TUFM: variants seen among roughly 807,000 people sequenced by gnomAD.
The protein encoded by TUFM is elongation factor Tu, mitochondrial.
In TUFM, 23 loss-of-function variants were observed where a neutral mutation model predicts 45.0. That is an observed-to-expected ratio of 0.51 (90% CI 0.37 to 0.72). The LOEUF is 0.72. TUFM is among the 30% of genes least tolerant of loss of function. The pLI, the probability that TUFM is intolerant of heterozygous loss-of-function variation, is 0.00. For synonymous variants in TUFM, 243 were observed against 252.9 expected, an observed-to-expected ratio of 0.96 and a Z score of 0.37; for missense variants, 490 against 610.7, an observed-to-expected ratio of 0.80 and a Z score of 2.08.
rs552424032 is a variant in TUFM, at chr16:28,843,880, T to C, written c.1075-25A>G. 14 of 1,613,862 alleles carry C rather than the reference T, an allele frequency of 8.7e-6. No homozygotes were observed. In the African/African-American group the frequency reaches 1.7e-4, roughly 20 times the overall value. On this transcript the variant is annotated intron_variant, in intron 8 of 9. Coordinates refer to ENST00000313511, the MANE Select transcript of TUFM (RefSeq NM_003321.5). ...CCTGGAGGAGAGCAAGCAATGACGG[T>C]GAGCTGGGCTTGGCTGGAGGCTGGG... is the stretch of plus-strand genomic sequence containing the variant.
In TUFM at chr16:28,842,915, A is replaced by C. The variant is rs545220973; in HGVS notation, c.*60T>G. On this transcript the variant is annotated 3_prime_UTR_variant, in exon 10 of 10. Transcript: ENST00000313511. ...GCCATGAGAGGGTACTGGAAGCAGG[A>C]GGGAGCCCTGGCTAGGGCAGGCCTT... The C allele has an allele frequency of 9.7e-5, 155 of 1,600,104 alleles. No individual in the cohort carries two copies. Among genetic ancestry groups the C allele is most frequent in the Admixed American group, 2.7e-4 (16 of 59,998 alleles).
In TUFM at chr16:28,846,079, A is replaced by T. The variant is rs561945233; in HGVS notation, c.80T>A (p.Leu27Gln). 58 of 1,613,844 alleles carry T rather than the reference A, an allele frequency of 3.6e-5. No homozygotes were observed. In the South Asian group the frequency reaches 5.8e-4, roughly 16 times the overall value. ...SGLAAGRTFLLQGLLRLLKAP... is the reference protein window; with the variant it reads ...SGLAAGRTFLQQGLLRLLKAP... ...TTTCAGCAGCCGCAACAGACCCTGC[A>T]GCAGGAAGGTCCGGCCGGCGGCGAG... Residue 27 changes from leucine (L) to glutamine (Q), a missense_variant, in exon 2 of 10, where the codon CTG becomes CAG. Physicochemically the swap from Leu to Gln is moderately radical, Grantham distance 113. Transcript: ENST00000313511.
Position 28,844,000 on chromosome 16 carries a change from C to A in TUFM, c.1024G>T (p.Val342Phe). The change falls in exon 8 of 10, where the codon GTC becomes TTC. Residue 342 changes from valine (V) to phenylalanine (F), a missense_variant. By Grantham distance (50) the Val-to-Phe change is conservative. Coordinates refer to ENST00000313511, the MANE Select transcript of TUFM (RefSeq NM_003321.5). ...LKREDLRRGL[V>F]MVKPGSIKPH... The stretch of plus-strand genomic sequence containing the variant: ...TTGATGGAACCTGGCTTGACCATGA[C>A]CAGGCCCCGCCGCAAGTCCTCCCGC... The A allele has an allele frequency of 6.2e-7, 1 of 1,614,200 alleles. No homozygotes were observed. The highest frequency in any genetic ancestry group is 8.5e-7 in the Non-Finnish European group (1 of 1,180,036).
At position 28,845,836 on chromosome 16, in the gene TUFM, C is replaced by T. The variant is rs1009040233; in HGVS notation, c.247+76G>A. 15 of 1,566,554 alleles carry T rather than the reference C, an allele frequency of 9.6e-6. No homozygotes were observed. The South Asian group carries it at 1.6e-4, about 16-fold the overall frequency. On this transcript the variant is annotated intron_variant, in intron 2 of 9. Transcript: ENST00000313511. ...CCACAGTAAACTCCTCCAGCAGACA[C>T]TCTGCTGGCCTTGCCTCCCTGGCTC...
At position 28,843,837 on chromosome 16, in the gene TUFM, C is replaced by T. The variant is rs1288225270; in HGVS notation, c.1093G>A (p.Glu365Lys). The change falls in exon 9 of 10, where the codon GAG becomes AAG. Residue 365 changes from glutamate to lysine, a missense_variant. Transcript: ENST00000313511. ...AAGGGCTTGTGGCGGCCACCTTCCT[C>T]CTTGCTGAGGATGTAAACCTGGAGG... is the stretch of plus-strand genomic sequence containing the variant. ...VEAQVYILSK[E>K]EGGRHKPFVS... 1.1e-5 allele frequency: 17 copies of T among 1,614,072 alleles called. No individual in the cohort carries two copies. Among genetic ancestry groups the T allele is most frequent in the Non-Finnish European group, 1.4e-5 (17 of 1,180,052 alleles).
At position 28,842,575 on chromosome 16, in the gene TUFM, C is replaced by G; in HGVS notation, c.*400G>C. The G allele has an allele frequency of 6.6e-6, 2 of 303,618 alleles. No individual in the cohort carries two copies. The allele number at this position is 303,618 out of a possible 1,614,324, so 18.8% of individuals were successfully genotyped here. On this transcript the variant is annotated 3_prime_UTR_variant, in exon 10 of 10. Coordinates refer to ENST00000313511, the MANE Select transcript of TUFM (RefSeq NM_003321.5). ...GGCACCTGAGCTGAAGCCATGCTGG[C>G]TCCAGAGCGATAGAACATTCTTTCC... is the stretch of plus-strand genomic sequence containing the variant.
Position 28,844,933 on chromosome 16 carries a change from T to A in TUFM, c.519+18A>T. Reference sequence around the variant, plus strand: ...TCCCCACTCTTCCCTTTTGCATCCTTACCCAGGCTCTGAGTACCTGTCTGG... The same window carrying A: ...TCCCCACTCTTCCCTTTTGCATCCTAACCCAGGCTCTGAGTACCTGTCTGG... On this transcript the variant is annotated intron_variant, in intron 4 of 9. Coordinates refer to ENST00000313511, the MANE Select transcript of TUFM (RefSeq NM_003321.5). This position sits in a 1 kb window ranked among gnomAD's most constrained non-coding sequence, Gnocchi z 5.8. 1 of 1,614,102 alleles carries A rather than the reference T, an allele frequency of 6.2e-7. No homozygotes were observed. Among genetic ancestry groups the A allele is most frequent in the Non-Finnish European group, 8.5e-7 (1 of 1,179,994 alleles).
At chr16:28,845,833 A>C (rs1961936427) in intron 2 of TUFM, 79 bp downstream of exon 2, 1,298 of 1,555,524 alleles carry the variant, frequency 8.3e-4, no homozygotes, top group Middle Eastern at 1.5e-3. Flanking sequence ...CCTCCAGCAG[A>C]CACTCTGCTG....
Position 28,842,970 on chromosome 16 carries a change from C to T in TUFM, c.*5G>A, listed in dbSNP as rs775147317. The T allele has an allele frequency of 6.2e-7, 1 of 1,614,130 alleles. No homozygotes were observed. Among genetic ancestry groups the T allele is most frequent in the East Asian group, 2.2e-5 (1 of 44,886 alleles). The stretch of plus-strand genomic sequence containing the variant: ...GCAAGGGAAGCTGAGCAGAGATCTG[C>T]ACACTCAACCCCATTTGATATTCTT... On this transcript the variant is annotated 3_prime_UTR_variant, in exon 10 of 10. Coordinates refer to ENST00000313511, the MANE Select transcript of TUFM (RefSeq NM_003321.5).
In TUFM at chr16:28,844,860, A is replaced by C. The variant is rs1339000349; in HGVS notation, c.522T>G (p.Ile174Met). 2.5e-6 allele frequency: 4 copies of C among 1,614,074 alleles called. No individual in the cohort carries two copies. Among genetic ancestry groups the C allele is most frequent in the Non-Finnish European group, 3.4e-6 (4 of 1,180,008 alleles). ...TREHLLLARQ[I>M]GVEHVVVYVN... ...CATACACCACCACATGCTCCACCCC[A>C]ATCTGTAGATGCCAGAGAGACAGGG... Residue 174 changes from isoleucine (I) to methionine (M), a missense_variant and splice_region_variant, in exon 5 of 10, where the codon ATT becomes ATG. Transcript: ENST00000313511. This position sits in a 1 kb window ranked among gnomAD's most constrained non-coding sequence, Gnocchi z 5.8.
rs370847743 is a variant in TUFM at position 28,844,977 on chromosome 16, G to A, written c.493C>T (p.Arg165Ter). Residue 165 changes from arginine (R) to a stop codon, truncating the protein, a stop_gained, in exon 4 of 10, where the codon CGA becomes TGA. Transcript: ENST00000313511. LOFTEE classifies it high-confidence loss of function. The surrounding 1 kb of genome is among the most constrained non-coding windows in gnomAD (Gnocchi z 5.8). ...TGTCTGGCCAGTAATAAGTGCTCTC[G>A]GGTCTGGGGCATGGGGCCGTCATTG... ...AANDGPMPQTREHLLLARQIG... is the reference protein window; with the variant it reads ...AANDGPMPQT 6 of 1,614,124 alleles carry A rather than the reference G, an allele frequency of 3.7e-6. No individual in the cohort carries two copies. The highest frequency in any genetic ancestry group is 5.1e-6 in the Non-Finnish European group (6 of 1,180,026).
In TUFM at chr16:28,842,979, C is replaced by T. The variant is rs149786169; in HGVS notation, c.1364G>A (p.Gly455Asp). 161 of 1,614,072 alleles carry T rather than the reference C, an allele frequency of 1.0e-4. No homozygotes were observed. The highest frequency in any genetic ancestry group is 1.3e-4 in the Non-Finnish European group (148 of 1,180,048). Residue 455 changes from glycine (G) to aspartate (D), a missense_variant, in exon 10 of 10, where the codon GGT (glycine) becomes GAT (aspartate). Physicochemically the swap from Gly to Asp is moderately conservative, Grantham distance 94. Transcript: ENST00000313511. ...MTEEEKNIKW[G>D] ...GCTGAGCAGAGATCTGCACACTCAA[C>T]CCCATTTGATATTCTTCTCCTCCTC... is the stretch of plus-strand genomic sequence containing the variant.
In TUFM at chr16:28,844,084, T is replaced by C. The variant is rs2152146729; in HGVS notation, c.940A>G (p.Lys314Glu). 1 of 1,614,170 alleles carries C rather than the reference T, an allele frequency of 6.2e-7. No homozygotes were observed. The highest frequency in any genetic ancestry group is 8.5e-7 in the Non-Finnish European group (1 of 1,180,034). The change falls in exon 8 of 10, where the codon AAG (lysine) becomes GAG (glutamate). Residue 314 changes from lysine to glutamate, a missense_variant. Lys to Glu is a moderately conservative substitution (Grantham distance 56). Coordinates refer to ENST00000313511, the MANE Select transcript of TUFM (RefSeq NM_003321.5). The surrounding 1 kb of genome is among the most constrained non-coding windows in gnomAD (Gnocchi z 5.8). ...CCGGCCTCGGCCCTCTCCAGGCTCT[T>C]GTGGAACATCTCAATGCCTAGGACG... ...TVVTGIEMFH[K>E]SLERAEAGDN...
chr16:28,844,991 G>C lies in TUFM; in HGVS notation c.479C>G (p.Pro160Arg), dbSNP rs1331530305. The C allele has an allele frequency of 1.2e-6, 2 of 1,614,032 alleles. No individual in the cohort carries two copies. Among genetic ancestry groups the C allele is most frequent in the Admixed American group, 1.7e-5 (1 of 59,992 alleles). ...TAAGTGCTCTCGGGTCTGGGGCATG[G>C]GGCCGTCATTGGCTGCTACCACCAG... ...CILVVAANDGPMPQTREHLLL... is the reference protein window; with the variant it reads ...CILVVAANDGRMPQTREHLLL... The change falls in exon 4 of 10, where the codon CCC (proline) becomes CGC (arginine). Residue 160 changes from proline (P) to arginine (R), a missense_variant. Coordinates refer to ENST00000313511, the MANE Select transcript of TUFM (RefSeq NM_003321.5). This position sits in a 1 kb window ranked among gnomAD's most constrained non-coding sequence, Gnocchi z 5.8.
chr16:28,846,078 C>T lies in TUFM; in HGVS notation c.81G>A (p.Leu27=). 1.9e-6 allele frequency: 3 copies of T among 1,613,804 alleles called. No homozygotes were observed. The highest frequency in any genetic ancestry group is 2.2e-5 in the East Asian group (1 of 44,880). Residue 27 remains leucine (L), a synonymous_variant, in exon 2 of 10, where the codon CTG becomes CTA. Transcript: ENST00000313511. ...SGLAAGRTFL[L]QGLLRLLKAP... ...CTTTCAGCAGCCGCAACAGACCCTG[C>T]AGCAGGAAGGTCCGGCCGGCGGCGA... is the stretch of plus-strand genomic sequence containing the variant.
chr16:28,845,434 A>G lies in TUFM; in HGVS notation c.294T>C (p.Ile98=), dbSNP rs978939009. 6.2e-7 allele frequency: 1 copy of G among 1,614,016 alleles called. No homozygotes were observed. Among genetic ancestry groups the G allele is most frequent in the Non-Finnish European group, 8.5e-7 (1 of 1,179,998 alleles). ...GGAKFKKYEE[I]DNAPEERARG... is the part of the protein sequence containing the mutation. ...GAGCTCGCTCCTCCGGGGCATTGTC[A>G]ATCTCCTCGTACTTCTTGAACTTAG... is the stretch of plus-strand genomic sequence containing the variant. Residue 98 remains isoleucine, a synonymous_variant, in exon 3 of 10, where the codon ATT becomes ATC. Transcript: ENST00000313511.
intron 9 of TUFM, among the ~76,000 whole-genome samples, chr16:28,843,394 G>T (rs1961850247): frequency 6.6e-6 from 1 of 152,198 alleles, no homozygotes; most frequent in Admixed American, 6.5e-5. Flanking sequence ...TGTCTAGGAA[G>T]TTGTGGGTTA....
In TUFM at chr16:28,843,834, C is replaced by T. The variant is rs1346422770; in HGVS notation, c.1096G>A (p.Glu366Lys). ...EAQVYILSKE[E>K]GGRHKPFVSH... ...ACAAAGGGCTTGTGGCGGCCACCTT[C>T]CTCCTTGCTGAGGATGTAAACCTGG... is the stretch of plus-strand genomic sequence containing the variant. Residue 366 changes from glutamate (E) to lysine (K), a missense_variant, in exon 9 of 10, where the codon GAA (glutamate) becomes AAA (lysine). Transcript: ENST00000313511. 3 of 1,614,084 alleles carry T rather than the reference C, an allele frequency of 1.9e-6. No individual in the cohort carries two copies. The highest frequency in any genetic ancestry group is 2.5e-6 in the Non-Finnish European group (3 of 1,180,058).
chr16:28,842,976 C>T lies in TUFM; in HGVS notation c.1367G>A (p.Ter456=). Residue 456 remains the stop codon, a stop_retained_variant, in exon 10 of 10, where the codon TGA becomes TAA. Transcript: ENST00000313511. ...GAAGCTGAGCAGAGATCTGCACACT[C>T]AACCCCATTTGATATTCTTCTCCTC... ...TEEEKNIKWG[*] 1 of 1,614,172 alleles carries T rather than the reference C, an allele frequency of 6.2e-7. No homozygotes were observed. The highest frequency in any genetic ancestry group is 8.5e-7 in the Non-Finnish European group (1 of 1,180,052).
Sources: gnomAD v4.1 joint callset for allele counts (sites outside exome capture counted in the v4.1 genomes callset) on GRCh38, gnomAD v4.1.1 for gene constraint, Gnocchi (gnomAD v3.1) non-coding constraint, MANE v1.5 for transcripts, NCBI Gene and HGNC (gene_info 2026-07-23, HGNC 2026-07-21) for gene names.